Variants in COL25A1 observed in about 807,000 individuals in gnomAD.
COL25A1 encodes collagen alpha-1(XXV) chain.
COL25A1 carries 103 observed loss-of-function variants against 128.4 expected under a neutral mutation model. That is an observed-to-expected ratio of 0.80 (90% CI 0.68 to 0.94). The LOEUF (loss-of-function observed/expected upper bound fraction) is 0.94. Among genes scored for constraint, COL25A1 ranks in the 40% least tolerant of loss-of-function variants. The pLI, the probability that COL25A1 is intolerant of heterozygous loss-of-function variation, is 0.00. For synonymous variants in COL25A1, 279 were observed against 277.2 expected (o/e 1.01, Z -0.06); for missense variants, 745 against 840.0 (o/e 0.89, Z 1.40).
intron 3 of COL25A1, among the ~76,000 whole-genome samples, chr4:109,150,665 C>G (rs1466802320): frequency 6.6e-6 from 1 of 152,104 alleles, no homozygotes; most frequent in Non-Finnish European, 1.5e-5. Flanking sequence ...GAGAATTAAA[C>G]TTGACACTGG....
chr4:108,851,577 AGCCAGAATCACTG>A lies in COL25A1; in HGVS notation c.1389+646_1389+658del, dbSNP rs560963571. Among the ~76,000 whole-genome samples, 19 of 152,278 alleles carry A rather than the reference AGCCAGAATCACTG, an allele frequency of 1.2e-4. No homozygotes were observed. The East Asian group carries it at 3.7e-3, about 29-fold the overall frequency. On this transcript the variant is annotated intron_variant, in intron 26 of 37. Coordinates refer to ENST00000399132, the MANE Select transcript of COL25A1 (RefSeq NM_198721.4). ...CAACACATGTAGCTCAGTTCTGAAA[AGCCAGAATCACTG>A]GCCATGTGTTAATTGATCAAACATG...
rs544603488 is a variant in COL25A1, at chr4:109,026,642, C to T, written c.421-16267G>A. Among the ~76,000 whole-genome samples, 8 of 152,160 alleles carry T rather than the reference C, an allele frequency of 5.3e-5. No homozygotes were observed. In the South Asian group the frequency reaches 8.3e-4, roughly 16 times the overall value. On this transcript the variant is annotated intron_variant, in intron 5 of 37. Transcript: ENST00000399132. ...GACGATTTGCTAGCCCAAGTAGACA[C>T]CTCTTTTTAGTAACTGTGCATGAAG...
chr4:109,242,001 C>T (rs1440107041), intron 3 of COL25A1, among the ~76,000 whole-genome samples: 1 of 151,858 alleles, frequency 6.6e-6, no homozygotes, highest in African/African-American at 2.4e-5. Context: ...TGAGTTGTGT[C>T]AAGCTTGTAG....
At chr4:109,284,827 T>A (rs569729929) in intron 3 of COL25A1, among the ~76,000 whole-genome samples, 135 of 137,692 alleles carry the variant, frequency 9.8e-4, no homozygotes, top group Non-Finnish European at 1.6e-3. Flanking sequence ...TGTCCCCCCA[T>A]GCCCCACCCA....
At chr4:108,873,522 CTAGTAGTAGTAG>C (rs58240378) in intron 19 of COL25A1, among the ~76,000 whole-genome samples, 3 of 147,210 alleles carry the variant, frequency 2.0e-5, no homozygotes, top group Non-Finnish European at 4.5e-5. Context: ...TGTTAGCTGT[CTAGTAGTAGTAG>C]TAGTAGTAGT....
At chr4:108,878,529 A>T (rs903107400) in intron 19 of COL25A1, among the ~76,000 whole-genome samples, 15 of 152,220 alleles carry the variant, frequency 9.9e-5, no homozygotes, top group Non-Finnish European at 1.8e-4. Context: ...TTGTTGTAAT[A>T]AGAACCACCA....
chr4:108,969,473 T>C (rs190257255), intron 8 of COL25A1, among the ~76,000 whole-genome samples: 1 of 152,350 alleles, frequency 6.6e-6, no homozygotes, highest in Non-Finnish European at 1.5e-5. Flanking sequence ...TTTAATTATA[T>C]ACATAACACT....
chr4:109,287,372 T>A (rs1018573478), intron 3 of COL25A1, among the ~76,000 whole-genome samples: 2 of 151,940 alleles, frequency 1.3e-5, no homozygotes, highest in African/African-American at 4.8e-5. Flanking sequence ...CAATAAACAT[T>A]TTATTAGTTA....
At chr4:108,914,652 C>CTTTTTT (rs386401119) in intron 13 of COL25A1, among the ~76,000 whole-genome samples, 16 of 98,556 alleles carry the variant, frequency 1.6e-4, no homozygotes, top group East Asian at 6.4e-4. Context: ...TTTGCTGAAA[C>CTTTTTT]TTTTTTTTTT....
At chr4:108,965,795 C>G (rs1408725451) in intron 8 of COL25A1, among the ~76,000 whole-genome samples, 1 of 152,088 alleles carries the variant, frequency 6.6e-6, no homozygotes, top group East Asian at 1.9e-4. Flanking sequence ...CACTGAAGTT[C>G]TGTTACTGAT....
intron 3 of COL25A1, among the ~76,000 whole-genome samples, chr4:109,064,009 G>A (rs537124850): frequency 4.7e-4 from 72 of 152,138 alleles, no homozygotes; most frequent in Non-Finnish European, 3.8e-4. Flanking sequence ...AATAGATACC[G>A]AAAGTAATAC....
At chr4:109,169,178 C>T (rs1298116747) in intron 3 of COL25A1, among the ~76,000 whole-genome samples, 1 of 152,168 alleles carries the variant, frequency 6.6e-6, no homozygotes, top group Non-Finnish European at 1.5e-5. Context: ...CTCAGTGTGT[C>T]CTGACACATG....
At chr4:109,070,162 G>C (rs1354884038) in intron 3 of COL25A1, among the ~76,000 whole-genome samples, 1 of 151,508 alleles carries the variant, frequency 6.6e-6, no homozygotes, top group Non-Finnish European at 1.5e-5. Context: ...GGAGGCTGAG[G>C]CAGGAGAATG....
chr4:109,213,864 A>G (rs990984089), intron 3 of COL25A1, among the ~76,000 whole-genome samples: 8 of 152,168 alleles, frequency 5.3e-5, no homozygotes, highest in African/African-American at 1.9e-4. Flanking sequence ...AGAATCTACC[A>G]TCATATTTTA....
chr4:108,887,110 C>G (rs7697403), intron 18 of COL25A1, among the ~76,000 whole-genome samples: 2 of 151,502 alleles, frequency 1.3e-5, no homozygotes, highest in African/African-American at 2.4e-5. Context: ...ACTAAACTCT[C>G]GAGGCTATAA....
At chr4:109,082,216 C>T (rs1224816048) in intron 3 of COL25A1, among the ~76,000 whole-genome samples, 1 of 152,186 alleles carries the variant, frequency 6.6e-6, no homozygotes, top group Non-Finnish European at 1.5e-5. Flanking sequence ...AGCTGATGGA[C>T]ATCTGAGCTG....
chr4:109,176,240 A>G (rs940396167), intron 3 of COL25A1, among the ~76,000 whole-genome samples: 1 of 152,180 alleles, frequency 6.6e-6, no homozygotes, highest in African/African-American at 2.4e-5. Flanking sequence ...AATACAAAAA[A>G]TTAACCAGGC....
intron 13 of COL25A1, among the ~76,000 whole-genome samples, chr4:108,902,647 C>A (rs192584018): frequency 6.6e-6 from 1 of 151,742 alleles, no homozygotes; most frequent in East Asian, 1.9e-4. Context: ...TCTAGAATAG[C>A]GAAAAGTATT....
intron 3 of COL25A1, among the ~76,000 whole-genome samples, chr4:109,192,265 T>C (rs1478016481): frequency 2.6e-5 from 4 of 152,070 alleles, no homozygotes; most frequent in Non-Finnish European, 5.9e-5. Context: ...ATCTCGGCAT[T>C]AAAGAGATTA....
Sources: gnomAD v4.1 joint callset for allele counts (sites outside exome capture counted in the v4.1 genomes callset) on GRCh38, gnomAD v4.1.1 for gene constraint, MANE v1.5 for transcripts, NCBI Gene and HGNC (gene_info 2026-07-23, HGNC 2026-07-21) for gene names.